LSAMP: variants seen among roughly 807,000 people sequenced by gnomAD.
LSAMP encodes limbic system associated membrane protein, also known as limbic system-associated membrane protein.
In LSAMP, 7 loss-of-function variants were observed where a neutral mutation model predicts 38.6. The observed-to-expected ratio is 0.18, with a 90% CI of 0.10 to 0.34. LSAMP has a LOEUF of 0.34. LSAMP is among the 10% of genes least tolerant of loss of function. The pLI is 1.00. For missense variants in LSAMP, 313 were observed against 420.0 expected (o/e 0.75, Z 2.23); for synonymous variants, 154 against 166.8 (o/e 0.92, Z 0.59).
At chr3:116,377,183 T>A (rs1271017403) in intron 1 of LSAMP, among the ~76,000 whole-genome samples, 2 of 151,990 alleles carry the variant, frequency 1.3e-5, no homozygotes, top group Admixed American at 6.6e-5. Context: ...TACCTAGGTA[T>A]CAAGCCCAGC....
chr3:115,823,034 G>GTGA (rs1462490588), intron 6 of LSAMP, among the ~76,000 whole-genome samples: 23 of 152,136 alleles, frequency 1.5e-4, no homozygotes, highest in Non-Finnish European at 3.1e-4. Flanking sequence ...GTTGAAAAAC[G>GTGA]TGAATAAAAT....
chr3:116,130,146 G>T (rs1259837222), intron 1 of LSAMP, among the ~76,000 whole-genome samples: 1 of 152,064 alleles, frequency 6.6e-6, no homozygotes, highest in Non-Finnish European at 1.5e-5. Context: ...TCATTTCATG[G>T]CTGCCCTACC....
chr3:115,826,529 T>C (rs1435055127), intron 6 of LSAMP, among the ~76,000 whole-genome samples: 7 of 152,224 alleles, frequency 4.6e-5, no homozygotes, highest in African/African-American at 1.7e-4. Context: ...ACTTAAAGTT[T>C]ACTGTGGTTG....
At chr3:116,148,277 C>G (rs1019813213) in intron 1 of LSAMP, among the ~76,000 whole-genome samples, 1 of 151,852 alleles carries the variant, frequency 6.6e-6, no homozygotes, top group Non-Finnish European at 1.5e-5. Flanking sequence ...TAGTGGATGT[C>G]CTTTTAAAAG....
chr3:116,113,464 C>T lies in LSAMP; in HGVS notation c.156-26908G>A, dbSNP rs377028540. The stretch of plus-strand genomic sequence containing the variant: ...TTTTTGAGATGGAGTCTCGCTCTGT[C>T]GCCCAGGCTGGAGTGCAGTGGCGGG... On this transcript the variant is annotated intron_variant, in intron 1 of 6. Coordinates refer to ENST00000490035, the MANE Select transcript of LSAMP (RefSeq NM_002338.5). Among the ~76,000 whole-genome samples the T allele has an allele frequency of 2.8e-5, 3 of 108,556 alleles. No homozygotes were observed. The South Asian group carries it at 9.8e-4, about 35-fold the overall frequency. 71.2% of individuals were successfully genotyped at this position (108,556 alleles called of 152,430 possible). A position where few individuals can be genotyped will look rare whatever the true frequency, so the allele number is the denominator to read the frequency against.
At chr3:116,216,100 T>C (rs2046215880) in intron 1 of LSAMP, among the ~76,000 whole-genome samples, 1 of 152,212 alleles carries the variant, frequency 6.6e-6, no homozygotes, top group Admixed American at 6.5e-5. Context: ...TCCAGTGTGA[T>C]TCATGATTTC....
chr3:116,392,818 TAGAG>T (rs1460806417), intron 1 of LSAMP, among the ~76,000 whole-genome samples: 1 of 152,096 alleles, frequency 6.6e-6, no homozygotes, highest in Non-Finnish European at 1.5e-5. Flanking sequence ...GAGCAGAGGA[TAGAG>T]AGACAATGGG....
chr3:116,278,657 G>C (rs1159776539), intron 1 of LSAMP, among the ~76,000 whole-genome samples: 2 of 152,060 alleles, frequency 1.3e-5, no homozygotes, highest in Non-Finnish European at 2.9e-5. Flanking sequence ...AACCCCTTTT[G>C]TGTCATGAAA....
chr3:116,183,969 G>A (rs1156937887), intron 1 of LSAMP, among the ~76,000 whole-genome samples: 2 of 151,620 alleles, frequency 1.3e-5, no homozygotes, highest in African/African-American at 2.4e-5. Flanking sequence ...GGATACAGGA[G>A]CAATTCTATA....
At chr3:116,412,608 T>C (rs1057361530) in intron 1 of LSAMP, among the ~76,000 whole-genome samples, 6 of 152,116 alleles carry the variant, frequency 3.9e-5, no homozygotes, top group African/African-American at 1.4e-4. Context: ...AATCATGAAT[T>C]ACATTGCATT....
At chr3:116,310,912 TTG>T (rs35758717) in intron 1 of LSAMP, among the ~76,000 whole-genome samples, 100,817 of 141,884 alleles carry the variant, frequency 0.71, 37,516 homozygotes, top group East Asian at 0.88. Context: ...TGATGATAAG[TTG>T]TTTTTTTTTT....
chr3:116,348,941 C>G (rs1211085353), intron 1 of LSAMP, among the ~76,000 whole-genome samples: 1 of 152,040 alleles, frequency 6.6e-6, no homozygotes, highest in African/African-American at 2.4e-5. Context: ...CTTTTGTAAT[C>G]TGTATAATTT....
At chr3:116,165,116 G>A (rs545044589) in intron 1 of LSAMP, among the ~76,000 whole-genome samples, 4 of 152,230 alleles carry the variant, frequency 2.6e-5, no homozygotes, top group East Asian at 1.9e-4. Flanking sequence ...TGAGCAGACC[G>A]TGCTTCTAGG....
At chr3:116,251,230 A>T (rs1285163297) in intron 1 of LSAMP, among the ~76,000 whole-genome samples, 1 of 152,222 alleles carries the variant, frequency 6.6e-6, no homozygotes, top group Non-Finnish European at 1.5e-5. Context: ...ATCTGATTAA[A>T]CATCAATTTA....
intron 2 of LSAMP, among the ~76,000 whole-genome samples, chr3:116,083,003 T>TA (rs1707905088): frequency 6.6e-6 from 1 of 152,144 alleles, no homozygotes; most frequent in African/African-American, 2.4e-5. Flanking sequence ...TTTAGCTATG[T>TA]ACCTCCAAAC....
chr3:116,384,360 T>G (rs1455821250), intron 1 of LSAMP, among the ~76,000 whole-genome samples: 2 of 152,138 alleles, frequency 1.3e-5, no homozygotes. Context: ...CTCAACAGTC[T>G]GTACATTAGG....
intron 1 of LSAMP, among the ~76,000 whole-genome samples, chr3:116,405,326 C>T (rs555634667): frequency 2.6e-5 from 4 of 152,168 alleles, no homozygotes; most frequent in African/African-American, 9.6e-5. Flanking sequence ...AGACAAGCTG[C>T]TAAATTATTT....
intron 1 of LSAMP, among the ~76,000 whole-genome samples, chr3:116,346,860 C>T (rs1008739989): frequency 6.6e-6 from 1 of 152,186 alleles, no homozygotes; most frequent in Admixed American, 6.5e-5. Flanking sequence ...CAAGAGTCTT[C>T]TCTCACTCAA....
intron 3 of LSAMP, among the ~76,000 whole-genome samples, chr3:115,949,378 T>C (rs1243491401): frequency 1.3e-5 from 2 of 151,736 alleles, no homozygotes; most frequent in Non-Finnish European, 2.9e-5. Flanking sequence ...TTTGTTTATC[T>C]CTTAAAAATA....
Sources: gnomAD v4.1 joint callset for allele counts (sites outside exome capture counted in the v4.1 genomes callset) on GRCh38, gnomAD v4.1.1 for gene constraint, MANE v1.5 for transcripts, NCBI Gene and HGNC (gene_info 2026-07-23, HGNC 2026-07-21) for gene names.